Variants in BTBD10 observed in about 807,000 individuals in gnomAD.
BTBD10 encodes BTB domain containing 10.
In BTBD10, 21 loss-of-function variants were observed where a neutral mutation model predicts 53.2. That is an observed-to-expected ratio of 0.39 (90% CI 0.28 to 0.57). The LOEUF (loss-of-function observed/expected upper bound fraction) is 0.57, where lower values mean the gene tolerates loss of function less well. Among genes scored for constraint, BTBD10 ranks in the 20% least tolerant of loss-of-function variants. The probability of loss-of-function intolerance (pLI) is 0.53; values close to 1 mark genes in which losing one functional copy is unlikely to be tolerated. For missense variants in BTBD10, 360 were observed against 594.7 expected (o/e 0.61, Z 4.10); for synonymous variants, 149 against 192.7 (o/e 0.77, Z 1.88).
chr11:13,439,810 C>T, intron 2 of BTBD10: 1 of 1,244,258 alleles, frequency 8.0e-7, no homozygotes, highest in Non-Finnish European at 1.1e-6. Flanking sequence ...ACATATCCCT[C>T]TCAATCTTTC....
chr11:13,421,929 A>G, intron 2 of BTBD10, 91 bp from the exon 3 acceptor site: 1 of 979,032 alleles, frequency 1.0e-6, no homozygotes, highest in East Asian at 2.8e-5. Flanking sequence ...AAAAACTAGT[A>G]TCTTGAAGTG....
chr11:13,424,717 T>C (rs984629195), intron 2 of BTBD10, among the ~76,000 whole-genome samples: 3 of 152,128 alleles, frequency 2.0e-5, no homozygotes, highest in Middle Eastern at 6.3e-3. Context: ...AAGGGCTGAG[T>C]TCATACTCTT....
chr11:13,421,849 A>G lies in BTBD10; in HGVS notation c.102-11T>C, dbSNP rs1263774064. ...ATACGCGAGGAAGTACTGATAAGTT[A>G]GAAAGGAAAATTAACCATAAAAGCA... On this transcript the variant is annotated splice_polypyrimidine_tract_variant and intron_variant, in intron 2 of 8. Coordinates refer to ENST00000278174, the MANE Select transcript of BTBD10 (RefSeq NM_032320.7). 2.5e-6 allele frequency: 4 copies of G among 1,585,096 alleles called. No homozygotes were observed. The highest frequency in any genetic ancestry group is 2.3e-5 in the South Asian group (2 of 87,064).
chr11:13,401,628 C>T (rs1180067983), intron 8 of BTBD10, among the ~76,000 whole-genome samples: 1 of 152,126 alleles, frequency 6.6e-6, no homozygotes, highest in Non-Finnish European at 1.5e-5. Flanking sequence ...CACAACTATC[C>T]TCTTGGGAAG....
chr11:13,428,616 A>C (rs1950391350), intron 2 of BTBD10, among the ~76,000 whole-genome samples: 2 of 152,178 alleles, frequency 1.3e-5, no homozygotes. Context: ...CAAATCTTAG[A>C]ACACAAATAT....
intron 8 of BTBD10, among the ~76,000 whole-genome samples, chr11:13,397,966 G>A (rs2135748568): frequency 6.6e-6 from 1 of 152,296 alleles, no homozygotes; most frequent in South Asian, 2.1e-4. Context: ...TTCCAACTAT[G>A]TGGTCAATTT....
chr11:13,427,892 A>C (rs1039864591), intron 2 of BTBD10, among the ~76,000 whole-genome samples: 4 of 152,162 alleles, frequency 2.6e-5, no homozygotes, highest in Non-Finnish European at 5.9e-5. Context: ...GCAATAAATA[A>C]ATCAAAAAGG....
chr11:13,426,463 G>GA (rs1454482468), intron 2 of BTBD10, among the ~76,000 whole-genome samples: 1 of 151,944 alleles, frequency 6.6e-6, no homozygotes, highest in Non-Finnish European at 1.5e-5. Flanking sequence ...CTGCATGGAA[G>GA]AATATAATTT....
At chr11:13,413,861 C>T (rs1177299636) in intron 5 of BTBD10, among the ~76,000 whole-genome samples, 1 of 152,140 alleles carries the variant, frequency 6.6e-6, no homozygotes. Context: ...ATGAATTCAC[C>T]GACTTAGCCT....
intron 4 of BTBD10, among the ~76,000 whole-genome samples, chr11:13,418,646 A>T: frequency 6.6e-6 from 1 of 152,164 alleles, no homozygotes; most frequent in East Asian, 1.9e-4. Flanking sequence ...TCACAATGGC[A>T]GCATTTATTC....
intron 8 of BTBD10, among the ~76,000 whole-genome samples, chr11:13,398,361 A>C (rs11511846): frequency 0.16 from 23,279 of 149,898 alleles, 1,975 homozygotes; most frequent in Admixed American, 0.24. Flanking sequence ...ACTAGGATTG[A>C]AACCCCTGCC....
rs866945185 is a variant in BTBD10, at chr11:13,419,731, G to A, written c.313C>T (p.His105Tyr). Residue 105 changes from histidine to tyrosine, a missense_variant, in exon 4 of 9, where the codon CAC becomes TAC. Around this residue, in one of 6 missense-constraint regions of BTBD10, gnomAD observed 109 missense variants for 118.6 expected, o/e 0.92. Transcript: ENST00000278174. ...GGACTGCTTGGACGAGAGGAACTGT[G>A]ATCTTTTTCTCGTTCTGAAATAAAG... is the stretch of plus-strand genomic sequence containing the variant. ...RQHHVEREKD[H>Y]SSSRPSSPRP... 1.3e-6 allele frequency: 2 copies of A among 1,580,306 alleles called. No individual in the cohort carries two copies. Among genetic ancestry groups the A allele is most frequent in the Non-Finnish European group, 1.7e-6 (2 of 1,164,652 alleles).
At chr11:13,414,237 T>A (rs984662396) in intron 5 of BTBD10, among the ~76,000 whole-genome samples, 5 of 152,214 alleles carry the variant, frequency 3.3e-5, no homozygotes, top group African/African-American at 4.8e-5. Context: ...ATCCACTTAG[T>A]AAGTTGTTAA....
intron 4 of BTBD10, 134 bp downstream of exon 4, chr11:13,419,326 A>C (rs1320493948): frequency 3.4e-6 from 4 of 1,193,406 alleles, no homozygotes; most frequent in Non-Finnish European, 4.6e-6. Context: ...TTTAGCCTCC[A>C]AAGCTCAGTT....
At position 13,421,751 on chromosome 11, in the gene BTBD10, A is replaced by C; in HGVS notation, c.189T>G (p.Asp63Glu). The change falls in exon 3 of 9, where the codon GAT (aspartate) becomes GAG (glutamate). Residue 63 changes from aspartate to glutamate, a missense_variant. Physicochemically the swap from Asp to Glu is conservative, Grantham distance 45. Around this residue, in one of 6 missense-constraint regions of BTBD10, gnomAD observed 81 missense variants for 82.6 expected, o/e 0.98. Transcript: ENST00000278174. ...GTGATCTGTCACTTGACCTTCGTCTATCTCTTGATCTCTCATGTCCCCCAC... is the reference window on the plus strand; with the variant it reads ...GTGATCTGTCACTTGACCTTCGTCTCTCTCTTGATCTCTCATGTCCCCCAC... ...GASGGHERSR[D>E]RRRSSDRSRD... The C allele has an allele frequency of 6.2e-7, 1 of 1,614,052 alleles. No homozygotes were observed. Among genetic ancestry groups the C allele is most frequent in the South Asian group, 1.1e-5 (1 of 91,082 alleles).
At chr11:13,446,603 T>C (rs1197950668) in intron 1 of BTBD10, among the ~76,000 whole-genome samples, 1 of 152,152 alleles carries the variant, frequency 6.6e-6, no homozygotes, top group Non-Finnish European at 1.5e-5. Context: ...AATTCTTCCT[T>C]TGAATCTATG....
chr11:13,415,634 A>C (rs1950086669), intron 5 of BTBD10, among the ~76,000 whole-genome samples: 1 of 151,608 alleles, frequency 6.6e-6, no homozygotes, highest in African/African-American at 2.4e-5. Context: ...TTCTTTCTTG[A>C]CCACTATATT....
intron 2 of BTBD10, among the ~76,000 whole-genome samples, chr11:13,441,394 C>T (rs1008843655): frequency 6.6e-6 from 1 of 151,868 alleles, no homozygotes; most frequent in Non-Finnish European, 1.5e-5. Flanking sequence ...TCACTAGGTA[C>T]CCCATAAATA....
chr11:13,461,869 T>C (rs574130220), intron 1 of BTBD10, among the ~76,000 whole-genome samples: 1 of 152,252 alleles, frequency 6.6e-6, no homozygotes, highest in South Asian at 2.1e-4. Flanking sequence ...TCATACACGC[T>C]GAGAAATATT....
Sources: gnomAD v4.1 joint callset for allele counts (sites outside exome capture counted in the v4.1 genomes callset) on GRCh38, gnomAD v4.1.1 for gene constraint, gnomAD v4.1.1 regional missense constraint, MANE v1.5 for transcripts, NCBI Gene and HGNC (gene_info 2026-07-23, HGNC 2026-07-21) for gene names.